TEX9: variants seen among roughly 807,000 people sequenced by gnomAD.
The protein encoded by TEX9 is testis-expressed protein 9.
In TEX9, 74 loss-of-function variants were observed where a neutral mutation model predicts 59.6. That is an observed-to-expected ratio of 1.24 (90% CI 1.03 to 1.51). TEX9 has a LOEUF of 1.51. Among genes scored for constraint, TEX9 ranks in the 40% most tolerant of loss-of-function variants. The probability of loss-of-function intolerance (pLI) is 0.00; values close to 1 mark genes in which losing one functional copy is unlikely to be tolerated. For synonymous variants in TEX9, 186 were observed against 152.2 expected (o/e 1.22, Z -1.64); for missense variants, 522 against 447.8 (o/e 1.17, Z -1.49).
intron 3 of TEX9, among the ~76,000 whole-genome samples, chr15:56,379,507 A>G (rs1442408604): frequency 6.6e-6 from 1 of 152,220 alleles, no homozygotes; most frequent in Non-Finnish European, 1.5e-5. Context: ...TGAGGAGAAT[A>G]ATGTGTATCT....
intron 10 of TEX9, among the ~76,000 whole-genome samples, chr15:56,426,841 T>C (rs2050305856): frequency 6.6e-6 from 1 of 151,640 alleles, no homozygotes; most frequent in Non-Finnish European, 1.5e-5. Context: ...TTTGCCCAAA[T>C]TGCTAAAGAG....
At chr15:56,449,878 G>A (rs1487342241), downstream of TEX9, among the ~76,000 whole-genome samples, 2 of 152,096 alleles carry the variant, frequency 1.3e-5, no homozygotes, top group Non-Finnish European at 2.9e-5. Flanking sequence ...TTAAGTGTTT[G>A]TATGCTCTAC....
At chr15:56,443,911 T>C (rs1413663297) in intron 12 of TEX9, 6 of 1,274,872 alleles carry the variant, frequency 4.7e-6, no homozygotes, top group Non-Finnish European at 6.4e-6. Flanking sequence ...AAAAAAGTAA[T>C]TTCATTTTGT....
At chr15:56,420,552 C>T (rs192620952) in intron 10 of TEX9, among the ~76,000 whole-genome samples, 31 of 151,944 alleles carry the variant, frequency 2.0e-4, no homozygotes, top group East Asian at 9.7e-4. Context: ...GTGATCTGCC[C>T]GCTTTGACCT....
At chr15:56,293,272 G>A (rs1387004691) in intron 1 of TEX9, among the ~76,000 whole-genome samples, 16 of 152,032 alleles carry the variant, frequency 1.1e-4, no homozygotes, top group Admixed American at 1.0e-3. Flanking sequence ...AAGAGTTTGC[G>A]GACACAGTAA....
At chr15:56,446,816 A>T, downstream of TEX9, 6 of 1,530,806 alleles carry the variant, frequency 3.9e-6, no homozygotes, top group Non-Finnish European at 4.5e-6. Flanking sequence ...GAAGCTAAAA[A>T]CATAATGACC....
chr15:56,415,757 T>C (rs1482431919), intron 10 of TEX9, among the ~76,000 whole-genome samples: 2 of 151,918 alleles, frequency 1.3e-5, no homozygotes, highest in Non-Finnish European at 2.9e-5. Context: ...TTTAAATAGT[T>C]TTTTCTAATT....
At chr15:56,442,320 C>T (rs1033682423) in intron 12 of TEX9, among the ~76,000 whole-genome samples, 8 of 152,026 alleles carry the variant, frequency 5.3e-5, no homozygotes, top group Admixed American at 2.6e-4. Flanking sequence ...AGCACTGTGG[C>T]GACTCCCCAA....
At chr15:56,411,159 C>G (rs547889292) in intron 9 of TEX9, among the ~76,000 whole-genome samples, 5 of 152,242 alleles carry the variant, frequency 3.3e-5, no homozygotes, top group Non-Finnish European at 7.4e-5. Context: ...GAGTAAGGCT[C>G]TGGACTAGGC....
At chr15:56,253,577 T>TC (rs1449156699) in intron 1 of TEX9, among the ~76,000 whole-genome samples, 1 of 152,128 alleles carries the variant, frequency 6.6e-6, no homozygotes, top group African/African-American at 2.4e-5. Flanking sequence ...GTCTGTGCTT[T>TC]CTAGCTACTC....
At chr15:56,365,453 G>T (rs960148384) in exon 1 of TEX9, 30 of 1,610,272 alleles carry the variant, frequency 1.9e-5, no homozygotes, top group Non-Finnish European at 2.5e-5. Context: ...CGCCGAAGAT[G>T]GCGGGGCGAA....
intron 1 of TEX9, among the ~76,000 whole-genome samples, chr15:56,289,328 C>T (rs1596067728): frequency 6.6e-6 from 1 of 151,876 alleles, no homozygotes; most frequent in Non-Finnish European, 1.5e-5. Flanking sequence ...GATGTCTATT[C>T]ACTTGGTGGA....
Position 56,413,196 on chromosome 15 carries a change from T to C in TEX9, c.963+760T>C, listed in dbSNP as rs141511122. ...TTTTAAATTCTATTTAATAATTAAA[T>C]ATTTAATATTTAATAATTAAATAAT... On this transcript the variant is annotated intron_variant, in intron 10 of 12. Coordinates refer to ENST00000352903, the Ensembl canonical transcript of TEX9. Among the ~76,000 whole-genome samples, 403 of 146,814 alleles carry C rather than the reference T, an allele frequency of 2.7e-3. 4 individuals are homozygous for C. Among genetic ancestry groups the C allele is most frequent in the African/African-American group, 9.5e-3 (385 of 40,740 alleles).
chr15:56,263,165 A>G (rs1438793137), intron 1 of TEX9, among the ~76,000 whole-genome samples: 1 of 152,112 alleles, frequency 6.6e-6, no homozygotes, highest in African/African-American at 2.4e-5. Flanking sequence ...CTGGGATTAC[A>G]GTCATTTGCC....
chr15:56,331,021 G>T (rs970091313), intron 1 of TEX9, among the ~76,000 whole-genome samples: 3 of 152,078 alleles, frequency 2.0e-5, no homozygotes. Flanking sequence ...GTTTATATCA[G>T]GCAAGATGTA....
intron 1 of TEX9, among the ~76,000 whole-genome samples, chr15:56,282,177 T>G (rs758692489): frequency 1.3e-5 from 2 of 152,186 alleles, no homozygotes; most frequent in African/African-American, 4.8e-5. Flanking sequence ...GTAATCAAGA[T>G]TCAATAATAG....
At chr15:56,303,317 C>A (rs1373234965) in intron 1 of TEX9, among the ~76,000 whole-genome samples, 1 of 152,082 alleles carries the variant, frequency 6.6e-6, no homozygotes, top group Non-Finnish European at 1.5e-5. Flanking sequence ...CCACAAAACA[C>A]GTCTTTAAAA....
intron 1 of TEX9, among the ~76,000 whole-genome samples, chr15:56,329,864 GT>G (rs1269375516): frequency 3.3e-5 from 5 of 152,038 alleles, no homozygotes; most frequent in Non-Finnish European, 7.4e-5. Flanking sequence ...TATTTGAAGG[GT>G]TACTATCAGG....
At chr15:56,444,564 A>G (rs1220369852) in intron 12 of TEX9, 1 of 1,612,964 alleles carries the variant, frequency 6.2e-7, no homozygotes, top group South Asian at 1.1e-5. Flanking sequence ...CTCTAAGTCA[A>G]GATAGTACTG....
Sources: gnomAD v4.1 joint callset for allele counts (sites outside exome capture counted in the v4.1 genomes callset) on GRCh38, gnomAD v4.1.1 for gene constraint, MANE v1.5 for transcripts, NCBI Gene and HGNC (gene_info 2026-07-23, HGNC 2026-07-21) for gene names.